Variants in WWC2 observed in about 807,000 individuals in gnomAD.
WWC2 encodes protein WWC2.
A neutral mutation model predicts 138.5 loss-of-function variants in WWC2; 101 were observed. That is an observed-to-expected ratio of 0.73 (90% CI 0.62 to 0.86). The LOEUF (loss-of-function observed/expected upper bound fraction) is 0.86, where lower values mean the gene tolerates loss of function less well. WWC2 is among the 40% of genes least tolerant of loss of function. The probability of loss-of-function intolerance (pLI) is 0.00; values close to 1 mark genes in which losing one functional copy is unlikely to be tolerated. For synonymous variants in WWC2, 558 were observed against 538.4 expected (o/e 1.04, Z -0.50); for missense variants, 1,420 against 1,419.4 (o/e 1.00, Z -0.01).
chr4:183,151,455 G>T (rs1369613076), intron 1 of WWC2, among the ~76,000 whole-genome samples: 1 of 151,414 alleles, frequency 6.6e-6, no homozygotes, highest in Non-Finnish European at 1.5e-5. Context: ...TGTCAGATGG[G>T]TAGATTGCAA....
intron 4 of WWC2, among the ~76,000 whole-genome samples, chr4:183,229,179 C>T (rs746159311): frequency 2.6e-5 from 4 of 152,026 alleles, no homozygotes; most frequent in Non-Finnish European, 5.9e-5. Flanking sequence ...TGAGTTGCTA[C>T]GCTTAAAGTT....
At chr4:183,239,057 G>A (rs1736522009) in intron 4 of WWC2, among the ~76,000 whole-genome samples, 1 of 152,238 alleles carries the variant, frequency 6.6e-6, no homozygotes, top group Non-Finnish European at 1.5e-5. Context: ...GCTCACGCCT[G>A]TAATCCCAGC....
chr4:183,172,735 G>A (rs566855510), intron 1 of WWC2, among the ~76,000 whole-genome samples: 48 of 152,040 alleles, frequency 3.2e-4, no homozygotes, highest in African/African-American at 1.1e-3. Context: ...CAAGAAACCA[G>A]TGTCATTCAG....
At chr4:183,263,284 T>C (rs1333411611) in intron 11 of WWC2, among the ~76,000 whole-genome samples, 1 of 152,174 alleles carries the variant, frequency 6.6e-6, no homozygotes. Context: ...TGAGGCTGGA[T>C]GCTGGAGAAG....
In WWC2 at chr4:183,316,205, A is replaced by G. The variant is rs1388751741; in HGVS notation, c.*476A>G. ...CTTTCCATTTGGAGGCAGTGTGAGCACACGCTGGAGTGCAGCGTTCCAAAG... is the reference window on the plus strand; with the variant it reads ...CTTTCCATTTGGAGGCAGTGTGAGCGCACGCTGGAGTGCAGCGTTCCAAAG... On this transcript the variant is annotated 3_prime_UTR_variant, in exon 23 of 23. Transcript: ENST00000403733. The G allele has an allele frequency of 6.3e-6, 1 of 157,846 alleles. No individual in the cohort carries two copies. Among genetic ancestry groups the G allele is most frequent in the Non-Finnish European group, 1.4e-5 (1 of 71,242 alleles). 9.8% of individuals were successfully genotyped at this position (157,846 alleles called of 1,614,324 possible).
chr4:183,209,138 C>CATGATGAGTGGTTTA (rs1735527181), intron 4 of WWC2, 113 bp downstream of exon 4: 1 of 693,174 alleles, frequency 1.4e-6, no homozygotes, highest in African/African-American at 1.8e-5. Context: ...AAAACTCCTC[C>CATGATGAGTGGTTTA]CCTTATCTCT....
intron 5 of WWC2, among the ~76,000 whole-genome samples, chr4:183,243,594 A>G (rs1181738810): frequency 1.3e-5 from 2 of 152,124 alleles, no homozygotes; most frequent in Non-Finnish European, 2.9e-5. Context: ...CCAGTTCTGA[A>G]TCTGTCATTT....
intron 1 of WWC2, among the ~76,000 whole-genome samples, chr4:183,132,540 G>A (rs973549404): frequency 2.7e-5 from 4 of 150,814 alleles, no homozygotes; most frequent in Non-Finnish European, 4.4e-5. Context: ...TGCAAGCTCC[G>A]CCTCCCGGGT....
chr4:183,194,044 G>A (rs1015331268), intron 2 of WWC2, among the ~76,000 whole-genome samples: 1 of 152,168 alleles, frequency 6.6e-6, no homozygotes, highest in South Asian at 2.1e-4. Context: ...CTTCTGACAG[G>A]CTCTTCCTTT....
intron 1 of WWC2, among the ~76,000 whole-genome samples, chr4:183,120,618 A>G (rs1440453299): frequency 6.6e-6 from 1 of 152,250 alleles, no homozygotes; most frequent in Non-Finnish European, 1.5e-5. Context: ...TCAAATTTGT[A>G]CAGAGAAAAA....
At chr4:183,223,556 G>T (rs6855711) in intron 4 of WWC2, among the ~76,000 whole-genome samples, 97,046 of 152,022 alleles carry the variant, frequency 0.64, 31,192 homozygotes, top group Admixed American at 0.7. Flanking sequence ...TTATTATTTT[G>T]GAAAAGTTAA....
intron 17 of WWC2, 132 bp from the exon 18 acceptor site, chr4:183,282,576 C>T: frequency 1.1e-6 from 1 of 900,462 alleles, no homozygotes; most frequent in Non-Finnish European, 1.7e-6. Context: ...AGTTAAAAAC[C>T]CCAGCCAAAG....
At position 183,261,421 on chromosome 4, in the gene WWC2, A is replaced by T. The variant is rs370786007; in HGVS notation, c.1798A>T (p.Ile600Phe). The change falls in exon 11 of 23, where the codon ATC becomes TTC. Residue 600 changes from isoleucine to phenylalanine, a missense_variant. By Grantham distance (21) the Ile-to-Phe change is conservative (BLOSUM62 0). Transcript: ENST00000403733. ...LSSHFADISL[I>F]ENQILLDSDS... is the part of the protein sequence containing the mutation. ...TAGCCATTTTGCAGATATCAGCCTC[A>T]TCGAAAATCAGATTTTGCTGGATTC... 7 of 1,612,624 alleles carry T rather than the reference A, an allele frequency of 4.3e-6. No homozygotes were observed. The African/African-American group carries it at 9.3e-5, about 22-fold the overall frequency.
At chr4:183,226,577 G>A (rs1736079554) in intron 4 of WWC2, among the ~76,000 whole-genome samples, 1 of 151,756 alleles carries the variant, frequency 6.6e-6, no homozygotes, top group Non-Finnish European at 1.5e-5. Flanking sequence ...AAGAAGACAG[G>A]GAGAAATAGA....
chr4:183,127,487 G>C (rs1217827908), intron 1 of WWC2, among the ~76,000 whole-genome samples: 3 of 152,172 alleles, frequency 2.0e-5, no homozygotes, highest in African/African-American at 7.2e-5. Context: ...GGATGAACTA[G>C]GGGCTAGCAA....
chr4:183,248,465 A>G (rs1020912449), intron 6 of WWC2, among the ~76,000 whole-genome samples: 2 of 152,224 alleles, frequency 1.3e-5, no homozygotes, highest in Non-Finnish European at 2.9e-5. Context: ...TACCGTTCAT[A>G]GGAAAATGCT....
intron 2 of WWC2, among the ~76,000 whole-genome samples, chr4:183,199,315 C>G (rs1403981858): frequency 6.6e-6 from 1 of 151,920 alleles, no homozygotes; most frequent in Non-Finnish European, 1.5e-5. Flanking sequence ...TTTAATTAAG[C>G]CTGTTCCACG....
At chr4:183,107,548 C>G (rs1732067854) in intron 1 of WWC2, among the ~76,000 whole-genome samples, 1 of 152,098 alleles carries the variant, frequency 6.6e-6, no homozygotes, top group African/African-American at 2.4e-5. Context: ...TTTTGATGGC[C>G]TTAGTTGGGC....
chr4:183,289,702 G>A, intron 21 of WWC2, 67 bp downstream of exon 21: 2 of 1,563,458 alleles, frequency 1.3e-6, no homozygotes, highest in Non-Finnish European at 1.7e-6. Flanking sequence ...CCATGTAGAA[G>A]GTACCCAACT....
Sources: gnomAD v4.1 joint callset for allele counts (sites outside exome capture counted in the v4.1 genomes callset) on GRCh38, gnomAD v4.1.1 for gene constraint, MANE v1.5 for transcripts, NCBI Gene and HGNC (gene_info 2026-07-23, HGNC 2026-07-21) for gene names.